SH2D4B: variants seen among roughly 807,000 people sequenced by gnomAD.
SH2D4B encodes SH2 domain-containing protein 4B.
Under a neutral mutation model 61.5 loss-of-function variants are expected in SH2D4B, and 45 were observed. The ratio of observed to expected loss-of-function variants is 0.73; its 90% CI spans 0.58 to 0.94. SH2D4B has a LOEUF of 0.94. Ranked by LOEUF, SH2D4B falls within the 40% of genes least tolerant of loss-of-function variation. The pLI is 0.00. For synonymous variants in SH2D4B, 224 were observed against 220.4 expected (o/e 1.02, Z -0.14); for missense variants, 572 against 574.2 (o/e 1.00, Z 0.04).
intron 3 of SH2D4B, among the ~76,000 whole-genome samples, chr10:80,578,801 T>G (rs1564773557): frequency 1.3e-5 from 2 of 152,152 alleles, no homozygotes; most frequent in Admixed American, 6.5e-5. Flanking sequence ...AGGAGATTTT[T>G]GCAATGGTCA....
chr10:80,639,981 T>TG (rs1840260810), intron 7 of SH2D4B, among the ~76,000 whole-genome samples: 1 of 152,222 alleles, frequency 6.6e-6, no homozygotes, highest in South Asian at 2.1e-4. Context: ...AGGGCAGGCC[T>TG]GGTGGTGACA....
At chr10:80,627,139 T>C (rs984566797) in intron 6 of SH2D4B, among the ~76,000 whole-genome samples, 2 of 152,032 alleles carry the variant, frequency 1.3e-5, no homozygotes, top group African/African-American at 4.8e-5. Flanking sequence ...TCTGGGAGGG[T>C]AGGGGTCAGA....
chr10:80,622,863 G>A (rs1052963233), intron 6 of SH2D4B, among the ~76,000 whole-genome samples: 41 of 152,178 alleles, frequency 2.7e-4, no homozygotes, highest in Non-Finnish European at 3.7e-4. Context: ...GGGTTTTCTC[G>A]GCCCATTTGA....
rs760994225 is a variant in SH2D4B at position 80,634,241 on chromosome 10, G to A, written c.989-44G>A. ...GTGGAGAATCGTGGGGGAGGCAGTC[G>A]CAGAACCTGCTGTGTTTTTTTGTTT... On this transcript the variant is annotated intron_variant, in intron 6 of 7. Coordinates refer to ENST00000646907, the MANE Select transcript of SH2D4B (RefSeq NM_001388272.1). The A allele has an allele frequency of 6.9e-5, 102 of 1,477,264 alleles. No homozygotes were observed. In the South Asian group the frequency reaches 8.3e-4, roughly 12 times the overall value. The allele number at this position is 1,477,264 out of a possible 1,614,324, so 91.5% of individuals were successfully genotyped here.
intron 6 of SH2D4B, among the ~76,000 whole-genome samples, chr10:80,622,189 A>G (rs1021782105): frequency 1.4e-5 from 2 of 146,992 alleles, no homozygotes; most frequent in Non-Finnish European, 3.0e-5. Context: ...TTATTAATTT[A>G]CTTATTCTCC....
chr10:80,620,058 C>A (rs1020840157), intron 6 of SH2D4B, among the ~76,000 whole-genome samples: 1 of 152,192 alleles, frequency 6.6e-6, no homozygotes, highest in African/African-American at 2.4e-5. Context: ...GGCTTTGTGG[C>A]AGGAACAGGT....
chr10:80,538,638 A>C lies in SH2D4B; in HGVS notation c.184+123A>C. The C allele has an allele frequency of 1.2e-6, 1 of 849,758 alleles. No individual in the cohort carries two copies. Among genetic ancestry groups the C allele is most frequent in the Non-Finnish European group, 1.6e-6 (1 of 621,866 alleles). 52.6% of individuals were successfully genotyped at this position (849,758 alleles called of 1,614,324 possible). On this transcript the variant is annotated intron_variant, in intron 1 of 7. Transcript: ENST00000646907. The surrounding 1 kb of genome is among the most constrained non-coding windows in gnomAD (Gnocchi z 4.8). ...GGGGTGATGAGGGCTGGGGGCTTGA[A>C]ACCCTTGTCTTGTGGGCATCAGGTC...
chr10:80,570,396 T>A, intron 2 of SH2D4B, 80 bp downstream of exon 2: 1 of 1,509,296 alleles, frequency 6.6e-7, no homozygotes, highest in Non-Finnish European at 8.9e-7. Flanking sequence ...ATTTTTGTAT[T>A]TTTAGTAGAG....
At chr10:80,559,008 A>G (rs926333961) in intron 1 of SH2D4B, among the ~76,000 whole-genome samples, 3 of 152,156 alleles carry the variant, frequency 2.0e-5, no homozygotes, top group Non-Finnish European at 2.9e-5. Flanking sequence ...ATATTCTTTT[A>G]TAATCACTTC....
chr10:80,620,544 G>A (rs151010161), intron 6 of SH2D4B, among the ~76,000 whole-genome samples: 54 of 152,338 alleles, frequency 3.5e-4, no homozygotes, highest in African/African-American at 8.9e-4. Flanking sequence ...TGTAGAATCT[G>A]GATGTGGGTT....
chr10:80,628,354 A>T (rs1842787667), intron 6 of SH2D4B, among the ~76,000 whole-genome samples: 1 of 152,090 alleles, frequency 6.6e-6, no homozygotes, highest in Non-Finnish European at 1.5e-5. Context: ...TATAAGGGGG[A>T]GGTTCCCCAC....
At chr10:80,634,832 C>T (rs1842878650) in intron 7 of SH2D4B, among the ~76,000 whole-genome samples, 1 of 152,202 alleles carries the variant, frequency 6.6e-6, no homozygotes, top group Admixed American at 6.5e-5. Context: ...GCCTGGGTCT[C>T]ATCTCCAACT....
In SH2D4B at chr10:80,634,506, G is replaced by A. The variant is rs1030153540; in HGVS notation, c.1209+1G>A. On this transcript the variant is annotated splice_donor_variant, in intron 7 of 7. Coordinates refer to ENST00000646907, the MANE Select transcript of SH2D4B (RefSeq NM_001388272.1). LOFTEE classifies it high-confidence loss of function. ...CACGGATCTCGTTGATTTCCATAAG[G>A]TATCCCTCACAGGGATACTAATGGG... 1 of 1,549,472 alleles carries A rather than the reference G, an allele frequency of 6.5e-7. No homozygotes were observed. The highest frequency in any genetic ancestry group is 1.4e-5 in the African/African-American group (1 of 72,902).
rs1467037213 is a variant in SH2D4B, at chr10:80,634,349, C to T, written c.1053C>T (p.Val351=). The part of the protein sequence containing the change: ...LENMTEGAFL[V]RVSEKIWGYT... ...ACATGACTGAGGGAGCATTCCTGGT[C>T]CGGGTCAGTGAGAAAATCTGGGGTT... is the stretch of plus-strand genomic sequence containing the variant. The change falls in exon 7 of 8, where the codon GTC becomes GTT. Residue 351 remains valine (V), a synonymous_variant. Transcript: ENST00000646907. 1 of 1,550,184 alleles carries T rather than the reference C, an allele frequency of 6.5e-7. No individual in the cohort carries two copies. Among genetic ancestry groups the T allele is most frequent in the South Asian group, 1.2e-5 (1 of 84,028 alleles).
At chr10:80,609,294 T>A in intron 5 of SH2D4B, 130 bp from the exon 6 acceptor site, 12 of 543,284 alleles carry the variant, frequency 2.2e-5, no homozygotes, top group Non-Finnish European at 3.3e-5. Flanking sequence ...CTGCCCCTTC[T>A]TCCACCCCCC....
chr10:80,581,197 A>G (rs947010201), intron 3 of SH2D4B, among the ~76,000 whole-genome samples: 6 of 152,156 alleles, frequency 3.9e-5, no homozygotes, highest in African/African-American at 1.4e-4. Context: ...CCAGGTGAAG[A>G]AGAACTGATT....
intron 3 of SH2D4B, 151 bp downstream of exon 3, chr10:80,571,729 A>C (rs990737102): frequency 1.3e-6 from 1 of 789,266 alleles, no homozygotes; most frequent in African/African-American, 1.8e-5. Context: ...GCAGGAAGGA[A>C]CTTGACACAC....
intron 1 of SH2D4B, among the ~76,000 whole-genome samples, chr10:80,568,154 G>A (rs1425756371): frequency 6.6e-6 from 1 of 151,660 alleles, no homozygotes; most frequent in Non-Finnish European, 1.5e-5. Context: ...GTGGCGCAAT[G>A]AGAGATCACG....
chr10:80,570,419 C>T, intron 2 of SH2D4B, 103 bp downstream of exon 2: 1 of 1,388,202 alleles, frequency 7.2e-7, no homozygotes, highest in South Asian at 1.4e-5. Context: ...GGAGTTCCAT[C>T]ATGTTGGCCG....
Sources: allele counts gnomAD v4.1 joint callset (sites outside exome capture counted in the v4.1 genomes callset), GRCh38; gene constraint gnomAD v4.1.1; non-coding constraint Gnocchi (gnomAD v3.1); transcripts MANE v1.5; gene names NCBI Gene and HGNC (gene_info 2026-07-23, HGNC 2026-07-21).